CYP39A1: variants seen among roughly 807,000 people sequenced by gnomAD.
CYP39A1 encodes the protein cytochrome P450 family 39 subfamily A member 1.
CYP39A1 carries 49 observed loss-of-function variants against 58.1 expected under a neutral mutation model. The ratio of observed to expected loss-of-function variants is 0.84; its 90% CI spans 0.67 to 1.07. The LOEUF (loss-of-function observed/expected upper bound fraction) is 1.07, where lower values mean the gene tolerates loss of function less well. Ranked by LOEUF, CYP39A1 falls within the 50% of genes least tolerant of loss-of-function variation. The pLI is 0.00. For missense variants in CYP39A1, 531 were observed against 539.4 expected, an observed-to-expected ratio of 0.98 and a Z score of 0.16; for synonymous variants, 209 against 187.6, an observed-to-expected ratio of 1.11 and a Z score of -0.93.
intron 10 of CYP39A1, among the ~76,000 whole-genome samples, chr6:46,568,657 A>G (rs1478917625): frequency 6.6e-6 from 1 of 152,046 alleles, no homozygotes; most frequent in Non-Finnish European, 1.5e-5. Flanking sequence ...CTCCTTTCCC[A>G]TGGAATGGTC....
chr6:46,565,059 G>GT (rs1168133061), intron 10 of CYP39A1, among the ~76,000 whole-genome samples: 1 of 152,090 alleles, frequency 6.6e-6, no homozygotes, highest in Non-Finnish European at 1.5e-5. Context: ...TGGAGGGCTT[G>GT]TTAAAACAGA....
chr6:46,563,252 A>G (rs1771078314), intron 10 of CYP39A1, among the ~76,000 whole-genome samples: 1 of 152,202 alleles, frequency 6.6e-6, no homozygotes, highest in Non-Finnish European at 1.5e-5. Context: ...CGGGCCTTGT[A>G]AATTCGTATT....
chr6:46,555,225 C>T (rs1770614460), intron 10 of CYP39A1, among the ~76,000 whole-genome samples: 1 of 152,200 alleles, frequency 6.6e-6, no homozygotes, highest in African/African-American at 2.4e-5. Flanking sequence ...AATGATGATG[C>T]TCTGTGCCAC....
At chr6:46,586,957 T>G (rs1772503159) in intron 10 of CYP39A1, 120 bp downstream of exon 10, 1 of 700,862 alleles carries the variant, frequency 1.4e-6, no homozygotes, top group Admixed American at 2.8e-5. Flanking sequence ...AAATGTGTTC[T>G]TCTGGATTTC....
At chr6:46,614,098 T>C (rs1774388442) in intron 7 of CYP39A1, among the ~76,000 whole-genome samples, 2 of 152,222 alleles carry the variant, frequency 1.3e-5, no homozygotes, top group African/African-American at 2.4e-5. Flanking sequence ...ATGGAATCTG[T>C]GATACTAAAT....
intron 8 of CYP39A1, among the ~76,000 whole-genome samples, chr6:46,593,048 T>A (rs767268970): frequency 2.0e-5 from 3 of 152,148 alleles, no homozygotes; most frequent in Non-Finnish European, 4.4e-5. Flanking sequence ...GACTATTATG[T>A]GACCACTGAA....
At chr6:46,652,323 C>T in intron 1 of CYP39A1, 83 bp downstream of exon 1, 2 of 1,360,046 alleles carry the variant, frequency 1.5e-6, no homozygotes, top group South Asian at 1.4e-5. Context: ...GTGTTCTAGC[C>T]CTGCACTTAA....
At chr6:46,582,526 C>T (rs1228181097) in intron 10 of CYP39A1, among the ~76,000 whole-genome samples, 1 of 152,026 alleles carries the variant, frequency 6.6e-6, no homozygotes, top group Non-Finnish European at 1.5e-5. Context: ...TTTGATACTG[C>T]TGCATCTTAG....
At chr6:46,565,693 C>G (rs116297715) in intron 10 of CYP39A1, among the ~76,000 whole-genome samples, 1,825 of 152,176 alleles carry the variant, frequency 0.012, 32 homozygotes, top group African/African-American at 0.042. Flanking sequence ...AGTGCTTGGA[C>G]CAAGGAGCAG....
At chr6:46,585,943 C>T (rs572606530) in intron 10 of CYP39A1, among the ~76,000 whole-genome samples, 7 of 152,188 alleles carry the variant, frequency 4.6e-5, no homozygotes, top group Admixed American at 1.3e-4. Flanking sequence ...GGGGCCTCAT[C>T]CTGAAGAAGT....
chr6:46,555,423 C>A lies in CYP39A1; in HGVS notation c.1251-1569G>T, dbSNP rs73461276. 2.6e-3 allele frequency among the ~76,000 whole-genome samples: 393 copies of A among 152,272 alleles called. 2 individuals are homozygous for A. Among genetic ancestry groups the A allele is most frequent in the African/African-American group, 9.1e-3 (378 of 41,554 alleles). On this transcript the variant is annotated intron_variant, in intron 10 of 11. Coordinates refer to ENST00000275016, the MANE Select transcript of CYP39A1 (RefSeq NM_016593.5). ...CAGAGGAGGATTTGTATTATGAGGCCTTAGCACAGTGCACAGCACACTATT... is the reference window on the plus strand; with the variant it reads ...CAGAGGAGGATTTGTATTATGAGGCATTAGCACAGTGCACAGCACACTATT...
At chr6:46,613,438 A>T (rs767817873) in intron 7 of CYP39A1, among the ~76,000 whole-genome samples, 19 of 152,338 alleles carry the variant, frequency 1.2e-4, no homozygotes, top group Middle Eastern at 3.4e-3. Context: ...AAAATTCTGT[A>T]TGTGCCTTTT....
chr6:46,622,056 G>A (rs942267973), intron 7 of CYP39A1, among the ~76,000 whole-genome samples: 12 of 152,042 alleles, frequency 7.9e-5, no homozygotes, highest in African/African-American at 7.2e-5. Context: ...TACACTAGAC[G>A]AAAGGAGCCA....
intron 1 of CYP39A1, among the ~76,000 whole-genome samples, chr6:46,644,574 G>C (rs1171713004): frequency 1.3e-5 from 2 of 152,156 alleles, no homozygotes; most frequent in Non-Finnish European, 2.9e-5. Flanking sequence ...ATTCTTTTCA[G>C]TTTAGGGCTA....
At chr6:46,599,694 C>A (rs986563774) in intron 7 of CYP39A1, among the ~76,000 whole-genome samples, 103 of 152,298 alleles carry the variant, frequency 6.8e-4, no homozygotes, top group African/African-American at 2.4e-3. Context: ...CTCAAACAAA[C>A]CCTTTTCTAT....
intron 1 of CYP39A1, among the ~76,000 whole-genome samples, chr6:46,647,549 T>C (rs1026697275): frequency 6.6e-6 from 1 of 152,218 alleles, no homozygotes; most frequent in African/African-American, 2.4e-5. Flanking sequence ...TTTCACATTC[T>C]ACACCTGTTG....
chr6:46,616,528 C>T (rs915903812), intron 7 of CYP39A1, among the ~76,000 whole-genome samples: 1 of 151,876 alleles, frequency 6.6e-6, no homozygotes, highest in African/African-American at 2.4e-5. Flanking sequence ...CCATCATGCC[C>T]ACCCATTTAT....
rs954632984 is a variant in CYP39A1 at position 46,583,066 on chromosome 6, A to G, written c.1250+4011T>C. The stretch of plus-strand genomic sequence containing the variant: ...CAAGCCCATGACTTTGTGGCCTAGG[A>G]CTCCCTAGAATACATGAAAGACCCA... On this transcript the variant is annotated intron_variant, in intron 10 of 11. Coordinates refer to ENST00000275016, the MANE Select transcript of CYP39A1 (RefSeq NM_016593.5). 4 of 985,096 alleles carry G rather than the reference A, an allele frequency of 4.1e-6. No individual in the cohort carries two copies. The African/African-American group carries it at 7.0e-5, about 17-fold the overall frequency. 61.0% of individuals were successfully genotyped at this position (985,096 alleles called of 1,614,324 possible).
intron 10 of CYP39A1, among the ~76,000 whole-genome samples, chr6:46,584,060 T>A (rs772598786): frequency 6.6e-6 from 1 of 152,082 alleles, no homozygotes; most frequent in African/African-American, 2.4e-5. Context: ...AAATTTCTAG[T>A]GCAAAAAAAA....
Sources: gnomAD v4.1 joint callset for allele counts (sites outside exome capture counted in the v4.1 genomes callset) on GRCh38, gnomAD v4.1.1 for gene constraint, MANE v1.5 for transcripts, NCBI Gene and HGNC (gene_info 2026-07-23, HGNC 2026-07-21) for gene names.